MACROD2: variants seen among roughly 807,000 people sequenced by gnomAD.
MACROD2 encodes ADP-ribose glycohydrolase MACROD2.
In MACROD2, 36 loss-of-function variants were observed where a neutral mutation model predicts 70.4. The ratio of observed to expected loss-of-function variants is 0.51; its 90% CI spans 0.39 to 0.68. The LOEUF (loss-of-function observed/expected upper bound fraction) is 0.68, where lower values mean the gene tolerates loss of function less well. MACROD2 is among the 30% of genes least tolerant of loss of function. The pLI is 0.00. For synonymous variants in MACROD2, 172 were observed against 178.8 expected (o/e 0.96, Z 0.30); for missense variants, 496 against 538.4 (o/e 0.92, Z 0.78).
chr20:15,750,618 A>G (rs571765139), intron 8 of MACROD2, among the ~76,000 whole-genome samples: 1 of 152,120 alleles, frequency 6.6e-6, no homozygotes, highest in African/African-American at 2.4e-5. Flanking sequence ...TGTATACTGT[A>G]TATTCAAAGG....
At chr20:14,688,047 G>A (rs1488249664) in intron 5 of MACROD2, among the ~76,000 whole-genome samples, 1 of 152,102 alleles carries the variant, frequency 6.6e-6, no homozygotes, top group Non-Finnish European at 1.5e-5. Flanking sequence ...CCATTTCAGA[G>A]TCATTAACAA....
chr20:14,367,436 T>G (rs1299820189), intron 3 of MACROD2, among the ~76,000 whole-genome samples: 1 of 152,208 alleles, frequency 6.6e-6, no homozygotes, highest in East Asian at 1.9e-4. Flanking sequence ...AGGACTCCCT[T>G]TAGCTTTTCT....
At chr20:15,953,068 A>T (rs1465872231) in intron 12 of MACROD2, among the ~76,000 whole-genome samples, 1 of 152,174 alleles carries the variant, frequency 6.6e-6, no homozygotes, top group East Asian at 1.9e-4. Flanking sequence ...GGCAACATGG[A>T]TAGAACTGGA....
chr20:15,324,900 A>G (rs1055736044), intron 6 of MACROD2, among the ~76,000 whole-genome samples: 1 of 152,210 alleles, frequency 6.6e-6, no homozygotes, highest in Non-Finnish European at 1.5e-5. Context: ...ACAAGTTTGC[A>G]TAACTTGACC....
chr20:14,854,971 G>A (rs1170498289), intron 5 of MACROD2, among the ~76,000 whole-genome samples: 4 of 152,080 alleles, frequency 2.6e-5, no homozygotes, highest in South Asian at 2.1e-4. Flanking sequence ...AGCCGAGATC[G>A]CACCACTGCA....
intron 5 of MACROD2, among the ~76,000 whole-genome samples, chr20:15,006,599 C>A (rs1023666366): frequency 2.6e-5 from 4 of 152,030 alleles, no homozygotes; most frequent in Non-Finnish European, 5.9e-5. Context: ...GTGCTGTATA[C>A]CTTGCATATA....
intron 8 of MACROD2, among the ~76,000 whole-genome samples, chr20:15,839,753 T>C (rs2064151294): frequency 6.6e-6 from 1 of 152,170 alleles, no homozygotes; most frequent in Non-Finnish European, 1.5e-5. Flanking sequence ...AACATATATA[T>C]GAATGTGTGT....
chr20:14,510,727 C>T (rs2085020253), intron 4 of MACROD2, among the ~76,000 whole-genome samples: 1 of 152,044 alleles, frequency 6.6e-6, no homozygotes, highest in Admixed American at 6.6e-5. Context: ...TTCAGGAGGG[C>T]ACAAATAGCC....
chr20:14,118,980 G>T (rs1207347368), intron 3 of MACROD2, among the ~76,000 whole-genome samples: 3 of 150,892 alleles, frequency 2.0e-5, no homozygotes, highest in African/African-American at 7.3e-5. Flanking sequence ...TGAGTAGCTG[G>T]GACTACAGGC....
At chr20:14,751,686 A>T (rs891726886) in intron 5 of MACROD2, among the ~76,000 whole-genome samples, 1 of 152,098 alleles carries the variant, frequency 6.6e-6, no homozygotes, top group Non-Finnish European at 1.5e-5. Flanking sequence ...TGTCCTTCTC[A>T]TGGGAAGAGC....
intron 6 of MACROD2, among the ~76,000 whole-genome samples, chr20:15,401,824 G>A (rs2045934561): frequency 6.6e-6 from 1 of 152,204 alleles, no homozygotes; most frequent in African/African-American, 2.4e-5. Flanking sequence ...AGGTGACCAG[G>A]CGGTCAGATG....
intron 8 of MACROD2, among the ~76,000 whole-genome samples, chr20:15,555,566 A>AGG (rs1354777639): frequency 6.6e-6 from 1 of 152,094 alleles, no homozygotes; most frequent in Non-Finnish European, 1.5e-5. Context: ...GGAACAGGTA[A>AGG]GGGGTTGATA....
At chr20:15,753,891 T>G (rs2051308724) in intron 8 of MACROD2, among the ~76,000 whole-genome samples, 1 of 152,178 alleles carries the variant, frequency 6.6e-6, no homozygotes, top group Admixed American at 6.5e-5. Flanking sequence ...AAATAAACAC[T>G]TGCAAGTACC....
At chr20:15,212,673 G>C (rs79252164) in intron 5 of MACROD2, among the ~76,000 whole-genome samples, 23 of 152,286 alleles carry the variant, frequency 1.5e-4, no homozygotes, top group Non-Finnish European at 3.1e-4. Context: ...CAAAAACAAG[G>C]TCAGAGTCTT....
intron 6 of MACROD2, among the ~76,000 whole-genome samples, chr20:15,386,040 G>A (rs533596780): frequency 6.6e-6 from 1 of 152,244 alleles, no homozygotes; most frequent in South Asian, 2.1e-4. Context: ...CATTGACAAC[G>A]ATTAAGATGT....
intron 8 of MACROD2, among the ~76,000 whole-genome samples, chr20:15,524,123 T>G (rs1428773765): frequency 6.6e-6 from 1 of 152,142 alleles, no homozygotes. Context: ...AGATTCTACT[T>G]TGAACAGAAA....
At chr20:15,714,248 TTC>T (rs1481081959) in intron 8 of MACROD2, among the ~76,000 whole-genome samples, 1 of 152,210 alleles carries the variant, frequency 6.6e-6, no homozygotes, top group Non-Finnish European at 1.5e-5. Flanking sequence ...TCTGTAAGGT[TTC>T]TCTTCCCCTG....
intron 5 of MACROD2, among the ~76,000 whole-genome samples, chr20:15,198,792 G>A (rs576871035): frequency 2.6e-5 from 4 of 152,208 alleles, no homozygotes; most frequent in South Asian, 2.1e-4. Flanking sequence ...AAGAGACTCC[G>A]TAGAGTGTAG....
chr20:15,420,923 C>T (rs564258642), intron 6 of MACROD2, among the ~76,000 whole-genome samples: 9 of 151,936 alleles, frequency 5.9e-5, no homozygotes, highest in South Asian at 2.1e-4. Context: ...CTCGTCTTTC[C>T]GAAAACTTAA....
Sources: allele counts gnomAD v4.1 joint callset (sites outside exome capture counted in the v4.1 genomes callset), GRCh38; gene constraint gnomAD v4.1.1; transcripts MANE v1.5; gene names NCBI Gene and HGNC (gene_info 2026-07-23, HGNC 2026-07-21).